Variants in AGO2 observed in about 807,000 individuals in gnomAD.
AGO2 encodes protein argonaute-2.
A neutral mutation model predicts 102.3 loss-of-function variants in AGO2; 5 were observed. The ratio of observed to expected loss-of-function variants is 0.05; its 90% CI spans 0.03 to 0.10. The LOEUF (loss-of-function observed/expected upper bound fraction) is 0.10, where lower values mean the gene tolerates loss of function less well. Ranked by LOEUF, AGO2 falls within the 10% of genes least tolerant of loss-of-function variation. AGO2 has a pLI of 1.00. For synonymous variants in AGO2, 449 were observed against 473.1 expected (o/e 0.95, Z 0.66); for missense variants, 541 against 1,183.7 (o/e 0.46, Z 7.97).
intron 1 of AGO2, among the ~76,000 whole-genome samples, chr8:140,632,851 G>A (rs2074358268): frequency 6.6e-6 from 1 of 151,968 alleles, no homozygotes; most frequent in South Asian, 2.1e-4. Context: ...TTAGTAAGTT[G>A]CCTAATAAGG....
At chr8:140,554,969 T>C (rs900104367) in intron 10 of AGO2, among the ~76,000 whole-genome samples, 1 of 152,110 alleles carries the variant, frequency 6.6e-6, no homozygotes, top group Non-Finnish European at 1.5e-5. Flanking sequence ...AACCACTCAC[T>C]GCGCCCAGCT....
chr8:140,630,949 G>C (rs534774551), intron 1 of AGO2, among the ~76,000 whole-genome samples: 2 of 152,298 alleles, frequency 1.3e-5, no homozygotes, highest in South Asian at 2.1e-4. Context: ...AGCTACTAGG[G>C]AGGCTGAGGT....
intron 1 of AGO2, among the ~76,000 whole-genome samples, chr8:140,614,355 G>A (rs1034494378): frequency 6.6e-6 from 1 of 152,144 alleles, no homozygotes; most frequent in Non-Finnish European, 1.5e-5. Flanking sequence ...CAGGACTCAA[G>A]TCAATATTCA....
intron 17 of AGO2, 182 bp downstream of exon 17, chr8:140,535,286 C>T: frequency 3.2e-6 from 2 of 631,580 alleles, no homozygotes; most frequent in South Asian, 3.7e-5. Context: ...CTGACCCACC[C>T]CCCAGGCCCC....
intron 1 of AGO2, among the ~76,000 whole-genome samples, chr8:140,607,312 G>C (rs914074854): frequency 5.9e-5 from 9 of 151,654 alleles, no homozygotes; most frequent in Non-Finnish European, 1.2e-4. Flanking sequence ...TGAAGTCCCA[G>C]CTACTCAGGA....
chr8:140,597,471 CCCA>C (rs1447545530), intron 1 of AGO2, among the ~76,000 whole-genome samples: 2,882 of 15,926 alleles, frequency 0.18, 282 homozygotes, highest in African/African-American at 0.31. Context: ...GGGTGGCCCC[CCCA>C]CCCCCCCCCC....
chr8:140,550,268 A>C (rs2072973234), intron 11 of AGO2, among the ~76,000 whole-genome samples: 1 of 152,248 alleles, frequency 6.6e-6, no homozygotes, highest in Admixed American at 6.5e-5. Flanking sequence ...GGAACTGTTA[A>C]GGGACCGGCT....
intron 11 of AGO2, among the ~76,000 whole-genome samples, chr8:140,551,085 G>A (rs779343603): frequency 1.5e-4 from 23 of 152,202 alleles, no homozygotes; most frequent in Non-Finnish European, 2.8e-4. Flanking sequence ...CACTGCGAGG[G>A]TGGGTCCCAG....
At chr8:140,550,881 C>T (rs2072982585) in intron 11 of AGO2, among the ~76,000 whole-genome samples, 1 of 152,226 alleles carries the variant, frequency 6.6e-6, no homozygotes, top group Admixed American at 6.5e-5. Flanking sequence ...CAGGCATGAG[C>T]CACTGTGCCC....
At chr8:140,623,690 G>C (rs532685334) in intron 1 of AGO2, among the ~76,000 whole-genome samples, 1 of 151,980 alleles carries the variant, frequency 6.6e-6, no homozygotes, top group African/African-American at 2.4e-5. Context: ...GCAGCCCCAT[G>C]GCCCCTCCCT....
chr8:140,532,841 A>C (rs1480499168), intron 17 of AGO2: 6 of 461,272 alleles, frequency 1.3e-5, no homozygotes, highest in Admixed American at 1.0e-4. Flanking sequence ...CTAAAAATAC[A>C]AAAAAATTAG....
At chr8:140,563,223 A>C (rs964088514) in intron 3 of AGO2, among the ~76,000 whole-genome samples, 2 of 152,204 alleles carry the variant, frequency 1.3e-5, no homozygotes, top group African/African-American at 4.8e-5. Context: ...TGACCCCAGC[A>C]AGGGAAAATT....
rs1386278567 is a variant in AGO2 at position 140,564,557 on chromosome 8, T to C, written c.337-1923A>G. Among the ~76,000 whole-genome samples, 30 of 152,234 alleles carry C rather than the reference T, an allele frequency of 2.0e-4. 1 individual carries two copies. Among genetic ancestry groups the C allele is most frequent in the Admixed American group, 1.9e-3 (29 of 15,288 alleles). On this transcript the variant is annotated intron_variant, in intron 3 of 18. Transcript: ENST00000220592. ...GCATGAAGACAGAGGGGATCCTTTA[T>C]AATAATCCACTTCCACTTAATGAAA...
At chr8:140,626,148 C>T (rs1450779949) in intron 1 of AGO2, among the ~76,000 whole-genome samples, 2 of 152,076 alleles carry the variant, frequency 1.3e-5, no homozygotes, top group African/African-American at 4.8e-5. Context: ...CTTTCGGCGT[C>T]GCTCCTGTCT....
intron 1 of AGO2, among the ~76,000 whole-genome samples, chr8:140,616,257 G>A (rs1564118184): frequency 6.6e-6 from 1 of 152,194 alleles, no homozygotes; most frequent in African/African-American, 2.4e-5. Flanking sequence ...TCCTACAGGA[G>A]AGGCTCACTC....
chr8:140,578,799 C>T (rs1035837718), intron 2 of AGO2, among the ~76,000 whole-genome samples: 9 of 152,234 alleles, frequency 5.9e-5, no homozygotes, highest in African/African-American at 1.4e-4. Context: ...GAAAGGGCAG[C>T]GCCAAGCAGC....
At chr8:140,560,890 T>C (rs2073187763) in intron 4 of AGO2, among the ~76,000 whole-genome samples, 1 of 152,192 alleles carries the variant, frequency 6.6e-6, no homozygotes, top group Non-Finnish European at 1.5e-5. Flanking sequence ...CAAGCGCAGA[T>C]AGAATTGGGC....
chr8:140,530,534 A>T lies in AGO2; in HGVS notation c.*1510T>A, dbSNP rs1036757376. The T allele has an allele frequency of 6.6e-6, 1 of 152,286 alleles. No homozygotes were observed. Among genetic ancestry groups the T allele is most frequent in the African/African-American group, 2.4e-5 (1 of 41,480 alleles). 9.4% of individuals were successfully genotyped at this position (152,286 alleles called of 1,614,324 possible). A position where few individuals can be genotyped will look rare whatever the true frequency, so the allele number is the denominator to read the frequency against. On this transcript the variant is annotated 3_prime_UTR_variant, in exon 19 of 19. Coordinates refer to ENST00000220592, the MANE Select transcript of AGO2 (RefSeq NM_012154.5). ...GTGTACAGAGACAAAAAGCCCACTC[A>T]GCACAAACAGAGTTGTCTGTTGTTA...
upstream of AGO2, among the ~76,000 whole-genome samples, chr8:140,640,014 A>C (rs954752078): frequency 6.7e-6 from 1 of 149,942 alleles, no homozygotes; most frequent in East Asian, 1.9e-4. Context: ...ATTTTTTTTT[A>C]ATTTTTAATT....
Sources: allele counts gnomAD v4.1 joint callset (sites outside exome capture counted in the v4.1 genomes callset), GRCh38; gene constraint gnomAD v4.1.1; transcripts MANE v1.5; gene names NCBI Gene and HGNC (gene_info 2026-07-23, HGNC 2026-07-21).